TSPEAR: variants seen among roughly 807,000 people sequenced by gnomAD.
The protein encoded by TSPEAR is thrombospondin type laminin G domain and EAR repeats, also known as thrombospondin-type laminin G domain and EAR repeat-containing protein.
TSPEAR carries 69 observed loss-of-function variants against 71.6 expected under a neutral mutation model. The ratio of observed to expected loss-of-function variants is 0.96; its 90% CI spans 0.79 to 1.18. TSPEAR has a LOEUF of 1.18. Ranked by LOEUF, TSPEAR falls within the 50% of genes most tolerant of loss-of-function variation. The pLI is 0.00. For synonymous variants in TSPEAR, 402 were observed against 387.2 expected (o/e 1.04, Z -0.45); for missense variants, 971 against 894.9 (o/e 1.09, Z -1.09).
rs1482429394 is a variant in TSPEAR at position 44,695,263 on chromosome 21, C to A, written c.82+16170G>T. On this transcript the variant is annotated intron_variant, in intron 1 of 11. Coordinates refer to ENST00000323084, the MANE Select transcript of TSPEAR (RefSeq NM_144991.3). The surrounding 1 kb of genome is among the most constrained non-coding windows in gnomAD (Gnocchi z 4.5). ...TCCTGGCACCTTTGCTCCCACTGGA[C>A]TGGACGCTGTGCTGTCTCTCAGGTA... Among the ~76,000 whole-genome samples the A allele has an allele frequency of 1.3e-5, 2 of 152,204 alleles. No homozygotes were observed. The highest frequency in any genetic ancestry group is 4.8e-5 in the African/African-American group (2 of 41,434).
intron 3 of TSPEAR, among the ~76,000 whole-genome samples, chr21:44,533,450 C>T (rs998848452): frequency 1.3e-5 from 2 of 150,872 alleles, no homozygotes; most frequent in African/African-American, 2.4e-5. Context: ...GGCCCCTGGT[C>T]GGCTCCTGCC....
intron 1 of TSPEAR, chr21:44,601,511 G>A: frequency 6.2e-7 from 1 of 1,613,088 alleles, no homozygotes. Flanking sequence ...CAGCCGGCTT[G>A]CTGCACCACC....
intron 1 of TSPEAR, among the ~76,000 whole-genome samples, chr21:44,706,217 GGTA>G (rs1987906492): frequency 1.3e-5 from 2 of 152,194 alleles, no homozygotes; most frequent in Non-Finnish European, 2.9e-5. Context: ...ACCAGGCTCT[GGTA>G]GAAACTTCAG....
intron 1 of TSPEAR, among the ~76,000 whole-genome samples, chr21:44,615,867 G>A (rs1354380801): frequency 1.3e-5 from 2 of 152,188 alleles, no homozygotes; most frequent in East Asian, 1.9e-4. Context: ...GCGTCCTCCC[G>A]GGACCAGACC....
rs1555944675 is a variant in TSPEAR at position 44,666,345 on chromosome 21, T to C, written c.82+45088A>G. ...TCAGAGGGTTCAACTGAGCATGCTTTTCACCTGCACCATGTGCAGAAGACC... is the reference window on the plus strand; with the variant it reads ...TCAGAGGGTTCAACTGAGCATGCTTCTCACCTGCACCATGTGCAGAAGACC... On this transcript the variant is annotated intron_variant, in intron 1 of 11. Transcript: ENST00000323084. 3 of 1,312,828 alleles carry C rather than the reference T, an allele frequency of 2.3e-6. No homozygotes were observed. In the African/African-American group the frequency reaches 4.4e-5, roughly 19 times the overall value. The allele number at this position is 1,312,828 out of a possible 1,614,324, so 81.3% of individuals were successfully genotyped here.
At position 44,525,851 on chromosome 21, in the gene TSPEAR, T is replaced by G. The variant is rs782187037; in HGVS notation, c.1150-12A>C. 1.9e-6 allele frequency: 3 copies of G among 1,613,536 alleles called. No homozygotes were observed. Among genetic ancestry groups the G allele is most frequent in the Non-Finnish European group, 2.5e-6 (3 of 1,179,866 alleles). ...ACTGCCAGGAAGATCTGAAAGAGAG[T>G]AAACCGGGACCACGTGGTTCTGCTT... On this transcript the variant is annotated splice_polypyrimidine_tract_variant and intron_variant, in intron 7 of 11. Coordinates refer to ENST00000323084, the MANE Select transcript of TSPEAR (RefSeq NM_144991.3).
At chr21:44,658,347 C>T in intron 1 of TSPEAR, 1 of 1,385,838 alleles carries the variant, frequency 7.2e-7, no homozygotes, top group Admixed American at 1.9e-5. Context: ...CCAGATTGCA[C>T]ACATAGGGCA....
intron 1 of TSPEAR, among the ~76,000 whole-genome samples, chr21:44,644,205 C>T (rs1216393669): frequency 1.3e-5 from 2 of 152,202 alleles, no homozygotes; most frequent in African/African-American, 4.8e-5. Context: ...TGGAAAGTTC[C>T]ATGATCCAAA....
At chr21:44,654,487 G>A in intron 1 of TSPEAR, 1 of 1,613,908 alleles carries the variant, frequency 6.2e-7, no homozygotes, top group Non-Finnish European at 8.5e-7. Context: ...GCACAGCAGA[G>A]CCACACAGGG....
At chr21:44,566,249 T>C (rs1428229928) in intron 2 of TSPEAR, among the ~76,000 whole-genome samples, 1 of 152,144 alleles carries the variant, frequency 6.6e-6, no homozygotes, top group Non-Finnish European at 1.5e-5. Flanking sequence ...AAATTATTTA[T>C]AATAGCATCA....
chr21:44,508,713 A>G (rs952045400), intron 10 of TSPEAR: 1 of 1,230,582 alleles, frequency 8.1e-7, no homozygotes, highest in East Asian at 5.8e-5. Context: ...TGGATCTCAC[A>G]TCTGTCTCAA....
intron 9 of TSPEAR, chr21:44,517,084 T>G (rs1407111535): frequency 2.0e-5 from 3 of 152,366 alleles, no homozygotes; most frequent in Non-Finnish European, 2.9e-5. Context: ...TGTCACTCCT[T>G]CAGCACGCCA....
intron 1 of TSPEAR, chr21:44,646,727 G>A (rs1984411400): frequency 1.9e-6 from 3 of 1,614,118 alleles, no homozygotes; most frequent in African/African-American, 2.7e-5. Flanking sequence ...CCGGCTTGCT[G>A]CACCTCCTCC....
At chr21:44,683,103 G>A (rs781840759) in intron 1 of TSPEAR, among the ~76,000 whole-genome samples, 2 of 152,048 alleles carry the variant, frequency 1.3e-5, no homozygotes, top group Non-Finnish European at 2.9e-5. Context: ...AGACTACAGT[G>A]AGACCCGCCT....
At chr21:44,647,743 C>G (rs782354553) in intron 1 of TSPEAR, 29 of 276,586 alleles carry the variant, frequency 1.0e-4, no homozygotes, top group Non-Finnish European at 1.5e-4. Context: ...TAAAGGCAGA[C>G]AGGACAGTGT....
chr21:44,523,701 G>A (rs1471435608), intron 8 of TSPEAR, among the ~76,000 whole-genome samples: 4 of 150,930 alleles, frequency 2.7e-5, no homozygotes, highest in Non-Finnish European at 3.0e-5. Flanking sequence ...AGATAGGCAG[G>A]TAGTTAGTCA....
chr21:44,692,984 CAG>C (rs1569263051), intron 1 of TSPEAR, among the ~76,000 whole-genome samples: 1 of 152,144 alleles, frequency 6.6e-6, no homozygotes, highest in East Asian at 1.9e-4. Flanking sequence ...GTAATCAAAA[CAG>C]TGTGGTACTG....
At chr21:44,607,420 C>T (rs1451647631) in intron 1 of TSPEAR, among the ~76,000 whole-genome samples, 2 of 152,132 alleles carry the variant, frequency 1.3e-5, no homozygotes, top group Admixed American at 1.3e-4. Context: ...ATCAAAACAT[C>T]ACATTATACC....
chr21:44,616,868 CTT>C (rs1453235273), intron 1 of TSPEAR, among the ~76,000 whole-genome samples: 1 of 152,222 alleles, frequency 6.6e-6, no homozygotes. Flanking sequence ...TTTTGTCTGA[CTT>C]TTGCTTCTGG....
Sources: gnomAD v4.1 joint callset for allele counts (sites outside exome capture counted in the v4.1 genomes callset) on GRCh38, gnomAD v4.1.1 for gene constraint, Gnocchi (gnomAD v3.1) non-coding constraint, MANE v1.5 for transcripts, NCBI Gene and HGNC (gene_info 2026-07-23, HGNC 2026-07-21) for gene names.